The following FHIT variants were observed in gnomAD, a reference collection of about 807,000 sequenced individuals.
The protein encoded by FHIT is bis(5'-adenosyl)-triphosphatase.
In FHIT, 19 loss-of-function variants were observed where a neutral mutation model predicts 17.9. The ratio of observed to expected loss-of-function variants is 1.06; its 90% CI spans 0.74 to 1.56. FHIT has a LOEUF of 1.56. Ranked by LOEUF, FHIT falls within the 40% of genes most tolerant of loss-of-function variation. The probability of loss-of-function intolerance (pLI) is 0.00; values close to 1 mark genes in which losing one functional copy is unlikely to be tolerated. For synonymous variants in FHIT, 81 were observed against 69.7 expected (o/e 1.16, Z -0.81); for missense variants, 248 against 189.2 (o/e 1.31, Z -1.82).
intron 5 of FHIT, among the ~76,000 whole-genome samples, chr3:60,236,475 C>T (rs1416507068): frequency 6.6e-6 from 1 of 152,026 alleles, no homozygotes; most frequent in Non-Finnish European, 1.5e-5. Context: ...TAGAATTTTT[C>T]TATTCTCTTT....
chr3:60,847,341 T>G (rs957676165), intron 3 of FHIT, among the ~76,000 whole-genome samples: 24 of 150,922 alleles, frequency 1.6e-4, no homozygotes, highest in African/African-American at 5.9e-4. Context: ...GCTTGCACAT[T>G]TTAGGCATGG....
intron 5 of FHIT, among the ~76,000 whole-genome samples, chr3:60,333,063 C>T (rs1403245501): frequency 4.6e-5 from 7 of 152,130 alleles, no homozygotes. Context: ...ATGAAGGCTG[C>T]ATTTCAATAA....
At chr3:61,102,477 T>C (rs921143012) in intron 2 of FHIT, among the ~76,000 whole-genome samples, 3 of 152,226 alleles carry the variant, frequency 2.0e-5, no homozygotes, top group Non-Finnish European at 4.4e-5. Context: ...TGAGGATTTC[T>C]GCATCGATGT....
intron 3 of FHIT, among the ~76,000 whole-genome samples, chr3:60,856,924 A>G (rs1318958109): frequency 3.9e-5 from 6 of 152,152 alleles, no homozygotes; most frequent in African/African-American, 1.2e-4. Flanking sequence ...TTCACTCCAC[A>G]TGGAGATTAT....
chr3:60,341,963 G>T (rs755766517), intron 5 of FHIT, among the ~76,000 whole-genome samples: 1 of 152,098 alleles, frequency 6.6e-6, no homozygotes, highest in South Asian at 2.1e-4. Context: ...ACATTGAAGG[G>T]TAAGGGAATT....
At chr3:60,739,768 C>A (rs144015185) in intron 4 of FHIT, among the ~76,000 whole-genome samples, 1 of 152,318 alleles carries the variant, frequency 6.6e-6, no homozygotes, top group African/African-American at 2.4e-5. Flanking sequence ...ATTCCAGGAT[C>A]TAAATTAATG....
intron 1 of FHIT, among the ~76,000 whole-genome samples, chr3:61,223,787 G>A (rs1463589804): frequency 2.6e-5 from 4 of 152,156 alleles, no homozygotes; most frequent in Non-Finnish European, 4.4e-5. Flanking sequence ...ATACTAACAC[G>A]ATGGGTCTAA....
At position 60,893,188 on chromosome 3, in the gene FHIT, G is replaced by A. The variant is rs75294798; in HGVS notation, c.-110-71177C>T. Among the ~76,000 whole-genome samples, 699 of 152,246 alleles carry A rather than the reference G, an allele frequency of 4.6e-3. 6 individuals are homozygous for A. The highest frequency in any genetic ancestry group is 0.014 in the African/African-American group (595 of 41,536). On this transcript the variant is annotated intron_variant, in intron 3 of 9. Transcript: ENST00000492590. ...TATCTCTGAAGATGGAGGGACACACGGAGAAGAAACTCCAGGAACCAGCCT... is the reference window on the plus strand; with the variant it reads ...TATCTCTGAAGATGGAGGGACACACAGAGAAGAAACTCCAGGAACCAGCCT...
At chr3:60,020,870 G>A (rs536328903) in intron 5 of FHIT, among the ~76,000 whole-genome samples, 6 of 152,226 alleles carry the variant, frequency 3.9e-5, no homozygotes, top group East Asian at 3.9e-4. Context: ...TATTCACAAC[G>A]TAAGCACTTT....
chr3:60,244,233 C>T (rs1222569347), intron 5 of FHIT, among the ~76,000 whole-genome samples: 2 of 151,938 alleles, frequency 1.3e-5, no homozygotes, highest in African/African-American at 4.8e-5. Flanking sequence ...CATATTTTCC[C>T]TATAAATGTC....
intron 2 of FHIT, among the ~76,000 whole-genome samples, chr3:61,052,887 T>C (rs1292738648): frequency 6.6e-6 from 1 of 152,232 alleles, no homozygotes; most frequent in African/African-American, 2.4e-5. Context: ...AGCATTTTCT[T>C]CTTTCCTATA....
intron 4 of FHIT, among the ~76,000 whole-genome samples, chr3:60,606,447 C>G (rs2038611504): frequency 6.6e-6 from 1 of 152,004 alleles, no homozygotes; most frequent in African/African-American, 2.4e-5. Context: ...CACCATGTTA[C>G]CCAGGCTGGT....
At chr3:60,352,508 ATT>A in intron 5 of FHIT, among the ~76,000 whole-genome samples, 1 of 151,614 alleles carries the variant, frequency 6.6e-6, no homozygotes, top group African/African-American at 2.4e-5. Context: ...CTTTTTTAAA[ATT>A]TTTTTTTAAG....
chr3:60,159,248 C>T (rs769439332), intron 5 of FHIT, among the ~76,000 whole-genome samples: 1 of 152,082 alleles, frequency 6.6e-6, no homozygotes, highest in Non-Finnish European at 1.5e-5. Context: ...AGCCCTCCAA[C>T]TAGCTGAGAC....
chr3:60,964,108 G>C (rs1709595811), intron 3 of FHIT, among the ~76,000 whole-genome samples: 1 of 152,118 alleles, frequency 6.6e-6, no homozygotes, highest in Non-Finnish European at 1.5e-5. Flanking sequence ...TATGAATCTG[G>C]GTGCTCCTGT....
At chr3:60,081,673 C>T (rs940596177) in intron 5 of FHIT, among the ~76,000 whole-genome samples, 6 of 152,158 alleles carry the variant, frequency 3.9e-5, no homozygotes, top group South Asian at 2.1e-4. Flanking sequence ...AATTATGCTG[C>T]GGTTTATTAA....
At chr3:60,442,656 T>C (rs2030991400) in intron 5 of FHIT, among the ~76,000 whole-genome samples, 1 of 152,216 alleles carries the variant, frequency 6.6e-6, no homozygotes, top group South Asian at 2.1e-4. Flanking sequence ...AACAGTACCA[T>C]GCTGTTTTGG....
At position 60,400,879 on chromosome 3, in the gene FHIT, A is replaced by G. The variant is rs115623729; in HGVS notation, c.103+135981T>C. Among the ~76,000 whole-genome samples the G allele has an allele frequency of 9.7e-3, 1,481 of 152,304 alleles. 24 individuals carry two copies. Among genetic ancestry groups the G allele is most frequent in the African/African-American group, 0.034 (1,404 of 41,578 alleles). On this transcript the variant is annotated intron_variant, in intron 5 of 9. Coordinates refer to ENST00000492590, the MANE Select transcript of FHIT (RefSeq NM_002012.4). ...AAAATTGAATTAGCTGCCAACATTT[A>G]AAAGTGAGATCATTTTATTTTTCTT... is the stretch of plus-strand genomic sequence containing the variant.
intron 1 of FHIT, among the ~76,000 whole-genome samples, chr3:61,223,148 A>C (rs1008133224): frequency 1.3e-5 from 2 of 152,192 alleles, no homozygotes; most frequent in Admixed American, 1.3e-4. Flanking sequence ...TAATATTTAT[A>C]TCCAGGCCTA....
Sources: gnomAD v4.1 joint callset for allele counts (sites outside exome capture counted in the v4.1 genomes callset) on GRCh38, gnomAD v4.1.1 for gene constraint, MANE v1.5 for transcripts, NCBI Gene and HGNC (gene_info 2026-07-23, HGNC 2026-07-21) for gene names.